The following NEBL variants were observed in gnomAD, a reference collection of about 807,000 sequenced individuals.
NEBL encodes nebulette.
In NEBL, 122 loss-of-function variants were observed where a neutral mutation model predicts 140.2. The observed-to-expected ratio is 0.87, with a 90% CI of 0.75 to 1.01. The LOEUF (loss-of-function observed/expected upper bound fraction) is 1.01, where lower values mean the gene tolerates loss of function less well. Among genes scored for constraint, NEBL ranks in the 50% least tolerant of loss-of-function variants. The pLI is 0.00. For missense variants in NEBL, 1,365 were observed against 1,231.3 expected, an observed-to-expected ratio of 1.11 and a Z score of -1.62; for synonymous variants, 436 against 398.9, an observed-to-expected ratio of 1.09 and a Z score of -1.11.
At chr10:20,809,973 A>G in intron 24 of NEBL, 75 bp from the exon 25 acceptor site, 1 of 1,043,400 alleles carries the variant, frequency 9.6e-7, no homozygotes, top group Non-Finnish European at 1.4e-6. Flanking sequence ...AAAAGCCAGT[A>G]CCCAAAAGAG....
At chr10:21,034,468 C>T (rs623047) in intron 2 of NEBL, among the ~76,000 whole-genome samples, 92,464 of 152,082 alleles carry the variant, frequency 0.61, 28,155 homozygotes, top group East Asian at 0.73. Flanking sequence ...AGCACAGTAA[C>T]GCAGGCACCT....
chr10:21,120,015 T>C (rs1170942155), intron 2 of NEBL, among the ~76,000 whole-genome samples: 1 of 152,088 alleles, frequency 6.6e-6, no homozygotes, highest in Non-Finnish European at 1.5e-5. Flanking sequence ...TGCTAAGTGA[T>C]GGGCAGAGAA....
intron 2 of NEBL, among the ~76,000 whole-genome samples, chr10:21,090,273 C>G (rs72796554): frequency 0.025 from 3,782 of 152,328 alleles, 74 homozygotes; most frequent in Middle Eastern, 0.075. Flanking sequence ...TCTTCTAAAT[C>G]ACAAGGGCAC....
rs1589313087 is a variant in NEBL at position 21,173,364 on chromosome 10, T to A, written c.69+401A>T. On this transcript the variant is annotated intron_variant, in intron 1 of 6. Coordinates refer to the NEBL transcript ENST00000417816. The surrounding 1 kb of genome is among the most constrained non-coding windows in gnomAD (Gnocchi z 5.7). ...GAGGCGCTGCGGGTGGGCGGTGAGG[T>A]GGGATCGCGGGCGGATCTGTGGGGC... 9.0e-6 allele frequency among the ~76,000 whole-genome samples: 1 copy of A among 111,598 alleles called. No homozygotes were observed. The highest frequency in any genetic ancestry group is 1.9e-5 in the Non-Finnish European group (1 of 52,384). 73.2% of individuals were successfully genotyped at this position (111,598 alleles called of 152,430 possible). A position where few individuals can be genotyped will look rare whatever the true frequency, so the allele number is the denominator to read the frequency against.
intron 4 of NEBL, among the ~76,000 whole-genome samples, chr10:20,887,248 A>C (rs1159055178): frequency 6.6e-6 from 1 of 152,138 alleles, no homozygotes; most frequent in Non-Finnish European, 1.5e-5. Context: ...GACAATTCTT[A>C]AGTTCCTCTG....
At chr10:20,840,169 G>A (rs1455632176) in intron 13 of NEBL, among the ~76,000 whole-genome samples, 4 of 152,026 alleles carry the variant, frequency 2.6e-5, no homozygotes, top group South Asian at 2.1e-4. Flanking sequence ...CTCTTTCACT[G>A]CTAAATTCAG....
At chr10:20,863,799 A>G (rs907274920) in intron 7 of NEBL, among the ~76,000 whole-genome samples, 1 of 152,194 alleles carries the variant, frequency 6.6e-6, no homozygotes, top group Admixed American at 6.6e-5. Flanking sequence ...CGTATATATT[A>G]TGCAACTACT....
At chr10:21,271,849 A>T (rs34390867) in intron 1 of NEBL, among the ~76,000 whole-genome samples, 1 of 152,124 alleles carries the variant, frequency 6.6e-6, no homozygotes, top group African/African-American at 2.4e-5. Flanking sequence ...AAATGTTCCC[A>T]CCACACACAA....
chr10:20,897,458 G>T (rs532089328), upstream of NEBL: 18 of 1,200,882 alleles, frequency 1.5e-5, no homozygotes, highest in South Asian at 4.7e-4. Context: ...TTGATTTTAT[G>T]AACTTTTAAA....
rs772467224 is a variant in NEBL, at chr10:20,858,339, C to A, written c.804G>T (p.Lys268Asn). The change falls in exon 9 of 28, where the codon AAG (lysine) becomes AAT (asparagine). Residue 268 changes from lysine (K) to asparagine (N), a missense_variant. By Grantham distance (94) the Lys-to-Asn change is moderately conservative. Coordinates refer to ENST00000377122, the MANE Select transcript of NEBL (RefSeq NM_006393.3). The stretch of plus-strand genomic sequence containing the variant: ...GCATATTTTGAATGTCTTTCTTGTA[C>A]TTCACCTATGAAAATAACATGGAAC... ...QLAATLASNVKYKKDIQNMHD... is the reference protein window; with the variant it reads ...QLAATLASNVNYKKDIQNMHD... 1.3e-6 allele frequency: 2 copies of A among 1,591,492 alleles called. No individual in the cohort carries two copies. The highest frequency in any genetic ancestry group is 2.7e-5 in the African/African-American group (2 of 74,412).
chr10:21,041,983 G>C (rs1834288208), intron 2 of NEBL, among the ~76,000 whole-genome samples: 1 of 152,166 alleles, frequency 6.6e-6, no homozygotes, highest in Admixed American at 6.5e-5. Context: ...AGGTCACTTT[G>C]ATTGCCATCT....
chr10:21,029,187 T>C (rs1440621842), intron 2 of NEBL: 8 of 1,385,608 alleles, frequency 5.8e-6, no homozygotes, highest in East Asian at 4.6e-5. Context: ...ACAATGTGTA[T>C]AGGGCGCCTC....
rs963562161 is a variant in NEBL, at chr10:21,006,494, A to T, written c.249+13623T>A. 6.6e-5 allele frequency among the ~76,000 whole-genome samples: 10 copies of T among 152,286 alleles called. No individual in the cohort carries two copies. In the East Asian group the frequency reaches 1.5e-3, roughly 23 times the overall value. On this transcript the variant is annotated intron_variant, in intron 3 of 6. Transcript: ENST00000417816. ...TGACAATGCCACCACTCTCCGTGAG[A>T]CCTGTAAATCCAACCAGTCCTTCTT...
intron 2 of NEBL, among the ~76,000 whole-genome samples, chr10:21,083,051 C>T (rs889074423): frequency 2.6e-5 from 4 of 152,150 alleles, no homozygotes; most frequent in South Asian, 2.1e-4. Context: ...CGTAAGCCAG[C>T]GCACTTGACC....
intron 2 of NEBL, among the ~76,000 whole-genome samples, chr10:21,022,827 T>C (rs77275970): frequency 0.02 from 2,986 of 152,362 alleles, 96 homozygotes; most frequent in African/African-American, 0.066. Context: ...AGCATTCGGT[T>C]CTGCCTCATC....
At position 21,045,749 on chromosome 10, in the gene NEBL, G is replaced by C. The variant is rs1307402505; in HGVS notation, c.165-25548C>G. 2.6e-5 allele frequency among the ~76,000 whole-genome samples: 4 copies of C among 152,138 alleles called. No homozygotes were observed. The East Asian group carries it at 7.7e-4, about 29-fold the overall frequency. ...AGGATGTGGAGAAAAGGAAACCCTT[G>C]TACATTGTTGATGAAAATGTAAATT... is the stretch of plus-strand genomic sequence containing the variant. On this transcript the variant is annotated intron_variant, in intron 2 of 6. Coordinates refer to the NEBL transcript ENST00000417816.
At chr10:20,820,684 G>C (rs1830297) in intron 19 of NEBL, among the ~76,000 whole-genome samples, 38,555 of 151,922 alleles carry the variant, frequency 0.25, 5,174 homozygotes, top group East Asian at 0.4. Flanking sequence ...AATGAGCCAG[G>C]CATGGTGGTT....
intron 3 of NEBL, among the ~76,000 whole-genome samples, chr10:20,973,240 C>T (rs1836656946): frequency 6.7e-6 from 1 of 150,298 alleles, no homozygotes; most frequent in African/African-American, 2.5e-5. Flanking sequence ...AGATATTTTA[C>T]CTTTTTCTTT....
At chr10:21,210,456 T>C (rs1284262925) in intron 3 of NEBL, among the ~76,000 whole-genome samples, 2 of 152,148 alleles carry the variant, frequency 1.3e-5, no homozygotes, top group South Asian at 2.1e-4. Flanking sequence ...CCAATACATA[T>C]ACTTCTAACA....
Sources: allele counts gnomAD v4.1 joint callset (sites outside exome capture counted in the v4.1 genomes callset), GRCh38; gene constraint gnomAD v4.1.1; non-coding constraint Gnocchi (gnomAD v3.1); transcripts MANE v1.5; gene names NCBI Gene and HGNC (gene_info 2026-07-23, HGNC 2026-07-21).